Variants in CLDN14 observed in about 807,000 individuals in gnomAD.
CLDN14 encodes the protein claudin-14.
Under a neutral mutation model 2.1 loss-of-function variants are expected in CLDN14, and 2 were observed. The observed-to-expected ratio is 0.96, with a 90% confidence interval of 0.39 to 3.01. CLDN14 has a LOEUF of 3.01. Ranked by LOEUF, CLDN14 falls within the 30% of genes most tolerant of loss-of-function variation. The probability of loss-of-function intolerance (pLI) is 0.09; values close to 1 mark genes in which losing one functional copy is unlikely to be tolerated. For synonymous variants in CLDN14, 136 were observed against 154.4 expected (o/e 0.88, Z 0.88); for missense variants, 298 against 328.0 (o/e 0.91, Z 0.71).
At chr21:36,564,585 G>A (rs904030181) in intron 1 of CLDN14, among the ~76,000 whole-genome samples, 7 of 152,146 alleles carry the variant, frequency 4.6e-5, no homozygotes, top group Non-Finnish European at 7.3e-5. Context: ...ATTCCAGGGC[G>A]TTTCACCAGA....
intron 2 of CLDN14, among the ~76,000 whole-genome samples, chr21:36,510,002 T>C (rs1601617251): frequency 6.6e-6 from 1 of 152,212 alleles, no homozygotes; most frequent in East Asian, 1.9e-4. Context: ...TGCCCTACCA[T>C]AGACACCCTG....
intron 1 of CLDN14, among the ~76,000 whole-genome samples, chr21:36,462,830 A>G (rs1043282725): frequency 2.0e-5 from 3 of 152,058 alleles, no homozygotes; most frequent in Non-Finnish European, 2.9e-5. Flanking sequence ...AGGCAGGAGA[A>G]TCGCTTGAAC....
rs781700848 is a variant in CLDN14 at position 36,470,432 on chromosome 21, GATCGCCAGCAACCCGCGGAGA to G, written c.-81-8677_-81-8657del. ...AGTTACCAAGTCAAGGAATGTGGAG[GATCGCCAGCAACCCGCGGAGA>G]ATCGCCAGCAACCCGCAGAGGCCCA... On this transcript the variant is annotated intron_variant, in intron 1 of 1. Coordinates refer to ENST00000399135, the MANE Select transcript of CLDN14 (RefSeq NM_001146079.2). Among the ~76,000 whole-genome samples, 132 of 152,244 alleles carry G rather than the reference GATCGCCAGCAACCCGCGGAGA, an allele frequency of 8.7e-4. 1 individual carries two copies. Among genetic ancestry groups the G allele is most frequent in the Non-Finnish European group, 1.5e-3 (103 of 68,004 alleles).
At chr21:36,539,617 AGT>A (rs2087466055) in intron 1 of CLDN14, among the ~76,000 whole-genome samples, 1 of 123,304 alleles carries the variant, frequency 8.1e-6, no homozygotes, top group East Asian at 2.6e-4. Flanking sequence ...ATGTATGTGG[AGT>A]GTGTGTGGAG....
At chr21:36,508,245 G>A (rs978203256) in intron 2 of CLDN14, among the ~76,000 whole-genome samples, 5 of 152,180 alleles carry the variant, frequency 3.3e-5, no homozygotes, top group Non-Finnish European at 5.9e-5. Context: ...TGGGTAAAAG[G>A]TGTTTGAGTG....
At chr21:36,494,000 G>A (rs1294014161) in intron 2 of CLDN14, among the ~76,000 whole-genome samples, 2 of 152,182 alleles carry the variant, frequency 1.3e-5, no homozygotes, top group Admixed American at 6.5e-5. Flanking sequence ...ATCTTGGGGG[G>A]ATCACCATGG....
At position 36,498,975 on chromosome 21, in the gene CLDN14, C is replaced by T. The variant is rs1486427984; in HGVS notation, c.-82+11388G>A. Among the ~76,000 whole-genome samples the T allele has an allele frequency of 6.6e-6, 1 of 152,198 alleles. No individual in the cohort carries two copies. Among genetic ancestry groups the T allele is most frequent in the African/African-American group, 2.4e-5 (1 of 41,454 alleles). ...CCACCCAGATGGGAGTGTCCTCTTGCACTCCATCCATCTGGATGAAGCACC... is the reference window on the plus strand; with the variant it reads ...CCACCCAGATGGGAGTGTCCTCTTGTACTCCATCCATCTGGATGAAGCACC... On this transcript the variant is annotated intron_variant, in intron 2 of 2. Coordinates refer to the CLDN14 transcript ENST00000342108. The surrounding 1 kb of genome is among the most constrained non-coding windows in gnomAD (Gnocchi z 4.9).
chr21:36,551,105 A>G lies in CLDN14; in HGVS notation c.-220+25306T>C, dbSNP rs144059470. On this transcript the variant is annotated intron_variant, in intron 1 of 2. Coordinates refer to the CLDN14 transcript ENST00000342108. This position sits in a 1 kb window ranked among gnomAD's most constrained non-coding sequence, Gnocchi z 4.8. The stretch of plus-strand genomic sequence containing the variant: ...CACCAGAGTGGGGAGGGGGCACGGA[A>G]CAGACTCCCCTTGGAGCCTCCAGAA... 3.1e-3 allele frequency among the ~76,000 whole-genome samples: 471 copies of G among 152,312 alleles called. 2 individuals carry two copies. Among genetic ancestry groups the G allele is most frequent in the African/African-American group, 0.01 (427 of 41,594 alleles).
intron 2 of CLDN14, among the ~76,000 whole-genome samples, chr21:36,492,948 C>G (rs1053487106): frequency 1.3e-5 from 2 of 152,204 alleles, no homozygotes; most frequent in Admixed American, 6.5e-5. Context: ...GAGTCCCCCT[C>G]TCTGCCTGGG....
chr21:36,536,220 C>T (rs1231322515), intron 1 of CLDN14, among the ~76,000 whole-genome samples: 1 of 152,200 alleles, frequency 6.6e-6, no homozygotes, highest in Non-Finnish European at 1.5e-5. Flanking sequence ...ATCTGGGGTC[C>T]AGCTGACATC....
At chr21:36,535,211 G>A (rs1390804609) in intron 1 of CLDN14, among the ~76,000 whole-genome samples, 2 of 152,132 alleles carry the variant, frequency 1.3e-5, no homozygotes, top group Non-Finnish European at 2.9e-5. Context: ...ACAACATGGC[G>A]AAACGCTGTC....
At chr21:36,481,216 A>G (rs937567098), upstream of CLDN14, 3 of 152,198 alleles carry the variant, frequency 2.0e-5, no homozygotes, top group African/African-American at 7.2e-5. Context: ...TTTACCTGAC[A>G]ACGAAATAGA....
chr21:36,472,157 G>T (rs764361344), intron 1 of CLDN14, among the ~76,000 whole-genome samples: 4 of 152,186 alleles, frequency 2.6e-5, no homozygotes, highest in Non-Finnish European at 4.4e-5. Context: ...CCAAGGTTAC[G>T]TCTGGGCTGA....
rs2087511049 is a variant in CLDN14 at position 36,544,087 on chromosome 21, G to C, written c.-220+32324C>G. Among the ~76,000 whole-genome samples the C allele has an allele frequency of 6.6e-6, 1 of 152,232 alleles. No homozygotes were observed. The highest frequency in any genetic ancestry group is 1.5e-5 in the Non-Finnish European group (1 of 68,044). On this transcript the variant is annotated intron_variant, in intron 1 of 2. Coordinates refer to the CLDN14 transcript ENST00000342108. This position sits in a 1 kb window ranked among gnomAD's most constrained non-coding sequence, Gnocchi z 4.1. ...GCTAGCAGCCGGGTTTCAATTTGGG[G>C]ACCCAATGGGTGACACCCAGGAACC...
chr21:36,544,426 A>G lies in CLDN14; in HGVS notation c.-220+31985T>C, dbSNP rs377467362. On this transcript the variant is annotated intron_variant, in intron 1 of 2. Coordinates refer to the CLDN14 transcript ENST00000342108. This position sits in a 1 kb window ranked among gnomAD's most constrained non-coding sequence, Gnocchi z 4.1. ...CATTTGCTCATCCTCCAAGACTAGA[A>G]CAAAGTTCTCCCAGGCCTCAGACAG... 6.6e-6 allele frequency among the ~76,000 whole-genome samples: 1 copy of G among 152,196 alleles called. No homozygotes were observed. Among genetic ancestry groups the G allele is most frequent in the African/African-American group, 2.4e-5 (1 of 41,446 alleles).
Position 36,570,920 on chromosome 21 carries a change from C to T in CLDN14, c.-220+5491G>A, listed in dbSNP as rs554809773. On this transcript the variant is annotated intron_variant, in intron 1 of 2. Transcript: ENST00000342108. ...GCAGTGGCGTGATCTTAGCTCACTG[C>T]AACCTCTGCCTCCCCGGTTCCAGCA... Among the ~76,000 whole-genome samples, 252 of 152,336 alleles carry T rather than the reference C, an allele frequency of 1.7e-3. 1 individual carries two copies. The highest frequency in any genetic ancestry group is 3.0e-3 in the Non-Finnish European group (205 of 68,030).
At position 36,499,544 on chromosome 21, in the gene CLDN14, G is replaced by C. The variant is rs1233743265; in HGVS notation, c.-82+10819C>G. Among the ~76,000 whole-genome samples the C allele has an allele frequency of 6.6e-6, 1 of 152,076 alleles. No homozygotes were observed. The highest frequency in any genetic ancestry group is 1.5e-5 in the Non-Finnish European group (1 of 68,024). On this transcript the variant is annotated intron_variant, in intron 2 of 2. Transcript: ENST00000342108. This position sits in a 1 kb window ranked among gnomAD's most constrained non-coding sequence, Gnocchi z 4.7. ...TAGAGTCTCTAAAGTTGTTGCAGGG[G>C]GCTTGTTGCAATGTCCGTACCAGGG...
At chr21:36,559,340 G>A (rs1357847031) in intron 1 of CLDN14, among the ~76,000 whole-genome samples, 1 of 152,124 alleles carries the variant, frequency 6.6e-6, no homozygotes, top group African/African-American at 2.4e-5. Context: ...GGGATTATAG[G>A]CACCCGCCAC....
At chr21:36,491,436 C>T (rs973635729) in intron 2 of CLDN14, among the ~76,000 whole-genome samples, 8 of 152,230 alleles carry the variant, frequency 5.3e-5, no homozygotes, top group Middle Eastern at 3.4e-3. Context: ...AGCGAGTCAA[C>T]GAAAATAAGA....
Sources: allele counts gnomAD v4.1 joint callset (sites outside exome capture counted in the v4.1 genomes callset), GRCh38; gene constraint gnomAD v4.1.1; non-coding constraint Gnocchi (gnomAD v3.1); transcripts MANE v1.5; gene names NCBI Gene and HGNC (gene_info 2026-07-23, HGNC 2026-07-21).